METTL16: variants seen among roughly 807,000 people sequenced by gnomAD.
METTL16 encodes the protein methyltransferase 16, RNA N6-adenosine.
In METTL16, 19 loss-of-function variants were observed where a neutral mutation model predicts 57.9. The observed-to-expected ratio is 0.33, with a 90% CI of 0.23 to 0.48. METTL16 has a LOEUF of 0.48. Ranked by LOEUF, METTL16 falls within the 20% of genes least tolerant of loss-of-function variation. The probability of loss-of-function intolerance (pLI) is 0.99; values close to 1 mark genes in which losing one functional copy is unlikely to be tolerated. For synonymous variants in METTL16, 246 were observed against 255.6 expected (o/e 0.96, Z 0.36); for missense variants, 434 against 691.5 (o/e 0.63, Z 4.18).
chr17:2,492,244 G>A (rs531556351), intron 2 of METTL16, among the ~76,000 whole-genome samples: 2 of 151,992 alleles, frequency 1.3e-5, no homozygotes, highest in South Asian at 2.1e-4. Context: ...AAAACAAATC[G>A]GTTAAGTGTC....
chr17:2,474,451 C>A (rs767220553), intron 3 of METTL16, among the ~76,000 whole-genome samples: 13 of 149,236 alleles, frequency 8.7e-5, no homozygotes, highest in African/African-American at 3.0e-4. Flanking sequence ...AGAAGACATG[C>A]GAAAATATTT....
chr17:2,422,450 G>T (rs1013266459), intron 8 of METTL16, among the ~76,000 whole-genome samples: 1 of 151,358 alleles, frequency 6.6e-6, no homozygotes, highest in Admixed American at 6.6e-5. Context: ...GCGCCATCTC[G>T]GCTCACTGCA....
chr17:2,481,952 A>T (rs2067310218), intron 2 of METTL16, among the ~76,000 whole-genome samples: 1 of 152,218 alleles, frequency 6.6e-6, no homozygotes, highest in Admixed American at 6.5e-5. Flanking sequence ...CTGCTTTTAG[A>T]TGTCCACACA....
In METTL16 at chr17:2,479,421, C is replaced by T. The variant is rs1000755806; in HGVS notation, c.129-1536G>A. On this transcript the variant is annotated intron_variant, in intron 2 of 9. Coordinates refer to ENST00000263092, the MANE Select transcript of METTL16 (RefSeq NM_024086.4). ...AACTCCTGGGCCCATGTAATCCTCC[C>T]GCCTCAGCCTAAGTGTTGGGATTGC... 7.2e-5 allele frequency among the ~76,000 whole-genome samples: 11 copies of T among 151,794 alleles called. No individual in the cohort carries two copies. In the East Asian group the frequency reaches 1.7e-3, roughly 24 times the overall value.
At chr17:2,426,534 G>C (rs534754398) in intron 8 of METTL16, among the ~76,000 whole-genome samples, 3 of 151,948 alleles carry the variant, frequency 2.0e-5, no homozygotes, top group East Asian at 1.9e-4. Context: ...ATCAAGACTA[G>C]CCTGGCCAAC....
intron 6 of METTL16, among the ~76,000 whole-genome samples, chr17:2,462,254 T>G (rs1274801131): frequency 6.6e-6 from 1 of 152,168 alleles, no homozygotes; most frequent in Admixed American, 6.5e-5. Flanking sequence ...TGATTCCATT[T>G]GTATGAAGTG....
chr17:2,428,892 CT>C (rs1419279284), intron 8 of METTL16, among the ~76,000 whole-genome samples: 1 of 152,008 alleles, frequency 6.6e-6, no homozygotes, highest in African/African-American at 2.4e-5. Flanking sequence ...GAGTTTTGCT[CT>C]TGTTGCCCAG....
intron 8 of METTL16, among the ~76,000 whole-genome samples, chr17:2,431,765 G>GCAAT (rs2066875358): frequency 6.6e-6 from 1 of 152,114 alleles, no homozygotes; most frequent in South Asian, 2.1e-4. Flanking sequence ...TGGGGAGTCT[G>GCAAT]CAATCTGCAT....
chr17:2,441,764 T>A lies in METTL16; in HGVS notation c.729-205A>T, dbSNP rs72805751. ...AACAAGCCCAAGGCAACTTAAAAAATAAATAAATAAATAAATGTACTTAGC... is the reference window on the plus strand; with the variant it reads ...AACAAGCCCAAGGCAACTTAAAAAAAAAATAAATAAATAAATGTACTTAGC... On this transcript the variant is annotated intron_variant, in intron 6 of 9. Transcript: ENST00000263092. Among the ~76,000 whole-genome samples, 21,454 of 151,988 alleles carry A rather than the reference T, an allele frequency of 0.14. 1,649 individuals carry two copies. Among genetic ancestry groups the A allele is most frequent in the South Asian group, 0.2 (969 of 4,824 alleles).
chr17:2,507,572 C>T (rs1207621495), intron 1 of METTL16, among the ~76,000 whole-genome samples: 4 of 147,384 alleles, frequency 2.7e-5, no homozygotes, highest in Admixed American at 6.7e-5. Flanking sequence ...CCCGGCCGCC[C>T]CTACTGGGAA....
At chr17:2,473,867 T>A (rs2067251825) in intron 3 of METTL16, among the ~76,000 whole-genome samples, 1 of 152,190 alleles carries the variant, frequency 6.6e-6, no homozygotes, top group Admixed American at 6.5e-5. Context: ...GCCTCCTGAG[T>A]ACCTGGGACT....
intron 8 of METTL16, among the ~76,000 whole-genome samples, chr17:2,422,040 G>A (rs1013277483): frequency 3.9e-5 from 6 of 152,128 alleles, no homozygotes; most frequent in African/African-American, 1.2e-4. Flanking sequence ...TGCCGGGCGC[G>A]GTGGCTCATG....
chr17:2,419,395 C>T lies in METTL16; in HGVS notation c.*575G>A, dbSNP rs1423441502. On this transcript the variant is annotated 3_prime_UTR_variant, in exon 10 of 10. Transcript: ENST00000263092. ...CAGGTGTCAGGAATGTGCCATTTAC[C>T]GGGTGGTCCCCAGACTCTGCTGCTC... 3.3e-5 allele frequency: 9 copies of T among 273,976 alleles called. No homozygotes were observed. Among genetic ancestry groups the T allele is most frequent in the African/African-American group, 9.0e-5 (4 of 44,650 alleles). 17.0% of individuals were successfully genotyped at this position (273,976 alleles called of 1,614,324 possible). A position where few individuals can be genotyped will look rare whatever the true frequency, so the allele number is the denominator to read the frequency against.
intron 2 of METTL16, among the ~76,000 whole-genome samples, chr17:2,498,429 AC>A (rs1478277502): frequency 6.6e-6 from 1 of 150,610 alleles, no homozygotes; most frequent in Non-Finnish European, 1.5e-5. Flanking sequence ...GCAAAACAAA[AC>A]AAAAATCTTA....
Position 2,423,482 on chromosome 17 carries a change from C to T in METTL16, c.889-2578G>A, listed in dbSNP as rs576378610. Among the ~76,000 whole-genome samples, 7 of 152,252 alleles carry T rather than the reference C, an allele frequency of 4.6e-5. 1 individual carries two copies. Among genetic ancestry groups the T allele is most frequent in the African/African-American group, 1.2e-4 (5 of 41,542 alleles). On this transcript the variant is annotated intron_variant, in intron 8 of 9. Coordinates refer to ENST00000263092, the MANE Select transcript of METTL16 (RefSeq NM_024086.4). ...AATTTCTAGTCTACTGAGAGCCTAA[C>T]GCTTTGCAGTAAGGAGCTTACAATA...
rs566492483 is a variant in METTL16 at position 2,437,129 on chromosome 17, G to T, written c.888+980C>A. ...ACTCCTGAGTTCAAGTGATCTGCCCGCCTCGGCCTCCCAAAGTGTTGAGAT... is the reference window on the plus strand; with the variant it reads ...ACTCCTGAGTTCAAGTGATCTGCCCTCCTCGGCCTCCCAAAGTGTTGAGAT... On this transcript the variant is annotated intron_variant, in intron 8 of 9. Coordinates refer to ENST00000263092, the MANE Select transcript of METTL16 (RefSeq NM_024086.4). Among the ~76,000 whole-genome samples the T allele has an allele frequency of 2.6e-5, 4 of 152,088 alleles. No individual in the cohort carries two copies. The East Asian group carries it at 7.7e-4, about 29-fold the overall frequency.
rs760735770 is a variant in METTL16 at position 2,416,610 on chromosome 17, T to G, written c.*3360A>C. 1 of 152,136 alleles carries G rather than the reference T, an allele frequency of 6.6e-6. No individual in the cohort carries two copies. The highest frequency in any genetic ancestry group is 1.5e-5 in the Non-Finnish European group (1 of 68,048). The allele number at this position is 152,136 out of a possible 1,614,324, so 9.4% of individuals were successfully genotyped here. Reference sequence around the variant, plus strand: ...GCAGGCTGACGGAGGCAAAGCAGATTCCGAAGAACAAAAGCAGCTTTAGTT... The same window carrying G: ...GCAGGCTGACGGAGGCAAAGCAGATGCCGAAGAACAAAAGCAGCTTTAGTT... On this transcript the variant is annotated 3_prime_UTR_variant, in exon 10 of 10. Transcript: ENST00000263092.
rs143230066 is a variant in METTL16, at chr17:2,431,502, G to T, written c.888+6607C>A. 4.6e-5 allele frequency among the ~76,000 whole-genome samples: 7 copies of T among 152,240 alleles called. No individual in the cohort carries two copies. In the East Asian group the frequency reaches 1.2e-3, roughly 25 times the overall value. ...TGGATATAAACTTAGGAGTGGAATT[G>T]CTGGGTCACAGGGTATGAGCAAGCT... On this transcript the variant is annotated intron_variant, in intron 8 of 9. Coordinates refer to ENST00000263092, the MANE Select transcript of METTL16 (RefSeq NM_024086.4).
At chr17:2,496,122 GCA>G (rs147084490) in intron 2 of METTL16, among the ~76,000 whole-genome samples, 2 of 148,672 alleles carry the variant, frequency 1.3e-5, no homozygotes, top group Admixed American at 6.7e-5. Flanking sequence ...AAACACACAT[GCA>G]CACACACACA....
Sources: allele counts gnomAD v4.1 joint callset (sites outside exome capture counted in the v4.1 genomes callset), GRCh38; gene constraint gnomAD v4.1.1; transcripts MANE v1.5; gene names NCBI Gene and HGNC (gene_info 2026-07-23, HGNC 2026-07-21).